Variants in FBXW11 observed in about 807,000 individuals in gnomAD.
FBXW11 encodes the protein F-box and WD repeat domain containing 11, also known as F-box/WD repeat-containing protein 11.
Under a neutral mutation model 77.6 loss-of-function variants are expected in FBXW11, and 19 were observed. That is an observed-to-expected ratio of 0.24 (90% confidence interval 0.17 to 0.36). FBXW11 has a LOEUF of 0.36. Ranked by LOEUF, FBXW11 falls within the 10% of genes least tolerant of loss-of-function variation. The probability of loss-of-function intolerance (pLI) is 1.00; values close to 1 mark genes in which losing one functional copy is unlikely to be tolerated. For missense variants in FBXW11, 334 were observed against 704.2 expected (o/e 0.47, Z 5.95); for synonymous variants, 235 against 249.4 (o/e 0.94, Z 0.54).
chr5:171,891,422 T>C, intron 7 of FBXW11, 45 bp downstream of exon 7: 1 of 1,542,080 alleles, frequency 6.5e-7, no homozygotes, highest in Non-Finnish European at 8.8e-7. Flanking sequence ...GTCTAACACA[T>C]AGCCACGATT....
chr5:171,947,509 C>T lies in FBXW11; in HGVS notation c.147+10088G>A, dbSNP rs899335842. Among the ~76,000 whole-genome samples, 5 of 151,326 alleles carry T rather than the reference C, an allele frequency of 3.3e-5. No individual in the cohort carries two copies. The East Asian group carries it at 7.8e-4, about 23-fold the overall frequency. ...AGCTCAGGAGTTCAAGACCCCAGTC[C>T]GGACAACATAGGGAGGCCCCATCTC... On this transcript the variant is annotated intron_variant, in intron 2 of 13. Transcript: ENST00000517395.
intron 1 of FBXW11, among the ~76,000 whole-genome samples, chr5:171,971,671 G>A (rs1295003283): frequency 2.6e-5 from 4 of 152,180 alleles, no homozygotes; most frequent in Non-Finnish European, 5.9e-5. Context: ...TGAGAAAAAG[G>A]GAAAAGTTGA....
At chr5:171,913,914 T>C (rs1037296866) in intron 3 of FBXW11, among the ~76,000 whole-genome samples, 1 of 146,174 alleles carries the variant, frequency 6.8e-6, no homozygotes, top group Admixed American at 6.9e-5. Flanking sequence ...AACCTTAAAC[T>C]AGAGCCAAGG....
chr5:172,002,317 A>C (rs1293482913), intron 1 of FBXW11, among the ~76,000 whole-genome samples: 1 of 152,198 alleles, frequency 6.6e-6, no homozygotes, highest in Non-Finnish European at 1.5e-5. Flanking sequence ...CAAATCTGAA[A>C]GGATATCTAA....
At position 171,891,630 on chromosome 5, in the gene FBXW11, G is replaced by C. The variant is rs965198670; in HGVS notation, c.715-26C>G. 1.3e-5 allele frequency: 21 copies of C among 1,599,664 alleles called. No individual in the cohort carries two copies. The South Asian group carries it at 1.9e-4, about 15-fold the overall frequency. On this transcript the variant is annotated intron_variant, in intron 6 of 13. Transcript: ENST00000517395. ...CTAGGGAAAAAAGGAGGCAAGAGAT[G>C]AGTTTTTATGAATCAACTTACTCTA... is the stretch of plus-strand genomic sequence containing the variant.
intron 2 of FBXW11, among the ~76,000 whole-genome samples, chr5:171,951,144 C>G (rs1763291587): frequency 6.6e-6 from 1 of 151,744 alleles, no homozygotes; most frequent in Non-Finnish European, 1.5e-5. Flanking sequence ...ATCGTACAAG[C>G]CTAAAGATAC....
intron 1 of FBXW11, among the ~76,000 whole-genome samples, chr5:171,963,801 G>A (rs959820868): frequency 6.6e-6 from 1 of 152,140 alleles, no homozygotes; most frequent in Non-Finnish European, 1.5e-5. Context: ...TCTAGAACTC[G>A]TGGAGAATAT....
At chr5:171,884,383 T>G (rs1223795194) in intron 7 of FBXW11, among the ~76,000 whole-genome samples, 1 of 152,224 alleles carries the variant, frequency 6.6e-6, no homozygotes, top group Non-Finnish European at 1.5e-5. Context: ...TTCTCTATTC[T>G]GTTCCATTGG....
At chr5:172,002,446 G>GTGTGTGTGTGT (rs1766464395) in intron 1 of FBXW11, among the ~76,000 whole-genome samples, 1 of 149,422 alleles carries the variant, frequency 6.7e-6, no homozygotes, top group African/African-American at 2.5e-5. Flanking sequence ...GTGTGTGTGT[G>GTGTGTGTGTGT]GTTTATTCAT....
intron 2 of FBXW11, among the ~76,000 whole-genome samples, chr5:171,934,812 A>C (rs899607586): frequency 6.6e-6 from 1 of 152,156 alleles, no homozygotes; most frequent in Non-Finnish European, 1.5e-5. Flanking sequence ...AAAACAAAGG[A>C]GATCCAACCT....
chr5:171,939,688 C>A (rs1762648684), intron 2 of FBXW11, among the ~76,000 whole-genome samples: 1 of 111,680 alleles, frequency 9.0e-6, no homozygotes, highest in South Asian at 3.5e-4. Flanking sequence ...CACAGCAAGA[C>A]CCTGTCTCAA....
At chr5:171,910,527 G>T in intron 4 of FBXW11, 45 bp downstream of exon 4, 1 of 1,414,464 alleles carries the variant, frequency 7.1e-7, no homozygotes, top group Non-Finnish European at 9.9e-7. Context: ...CCTTGGGCCG[G>T]GCATTCTTCA....
intron 2 of FBXW11, among the ~76,000 whole-genome samples, chr5:171,937,112 C>A (rs1272415856): frequency 1.3e-5 from 2 of 152,192 alleles, no homozygotes; most frequent in African/African-American, 4.8e-5. Flanking sequence ...GAGAACTCAA[C>A]ATTCGAAAGA....
At chr5:171,972,140 G>GA (rs1288650928) in intron 1 of FBXW11, among the ~76,000 whole-genome samples, 5 of 150,558 alleles carry the variant, frequency 3.3e-5, no homozygotes, top group East Asian at 2.0e-4. Context: ...GCTGAGGTGG[G>GA]AAAATCACAT....
In FBXW11 at chr5:171,891,611, A is replaced by G. The variant is rs149421146; in HGVS notation, c.715-7T>C. ...GCCAGTTAGATTCTATAGTCTAGGG[A>G]AAAAAGGAGGCAAGAGATGAGTTTT... On this transcript the variant is annotated splice_region_variant and splice_polypyrimidine_tract_variant and intron_variant, in intron 6 of 13. Coordinates refer to ENST00000517395, the MANE Select transcript of FBXW11 (RefSeq NM_001378974.1). 1.1e-5 allele frequency: 17 copies of G among 1,601,662 alleles called. No homozygotes were observed. The East Asian group carries it at 3.6e-4, about 34-fold the overall frequency.
intron 2 of FBXW11, among the ~76,000 whole-genome samples, chr5:171,914,750 C>T (rs941379535): frequency 4.6e-5 from 7 of 152,146 alleles, no homozygotes; most frequent in Admixed American, 6.5e-5. Flanking sequence ...ATGAGGTTTC[C>T]GATGATTGCA....
At chr5:171,943,170 G>A (rs559211205) in intron 2 of FBXW11, among the ~76,000 whole-genome samples, 1 of 152,282 alleles carries the variant, frequency 6.6e-6, no homozygotes, top group South Asian at 2.1e-4. Flanking sequence ...TTATATTAGG[G>A]TAGACAGTGT....
intron 1 of FBXW11, among the ~76,000 whole-genome samples, chr5:171,963,798 C>T (rs951876846): frequency 1.3e-5 from 2 of 152,118 alleles, no homozygotes; most frequent in Admixed American, 6.6e-5. Flanking sequence ...TTTTCTAGAA[C>T]TCGTGGAGAA....
At chr5:171,933,911 G>C (rs1762346789) in intron 2 of FBXW11, among the ~76,000 whole-genome samples, 1 of 152,064 alleles carries the variant, frequency 6.6e-6, no homozygotes, top group East Asian at 1.9e-4. Flanking sequence ...AGAAGAGGCA[G>C]GGAGTAAGGG....
Sources: allele counts gnomAD v4.1 joint callset (sites outside exome capture counted in the v4.1 genomes callset), GRCh38; gene constraint gnomAD v4.1.1; transcripts MANE v1.5; gene names NCBI Gene and HGNC (gene_info 2026-07-23, HGNC 2026-07-21).